The following KIF4A variants were observed in gnomAD, a reference collection of about 807,000 sequenced individuals.
KIF4A encodes kinesin family member 4A.
In KIF4A, 7 loss-of-function variants were observed where a neutral mutation model predicts 105.9. The observed-to-expected ratio is 0.07, with a 90% CI of 0.04 to 0.12. The LOEUF (loss-of-function observed/expected upper bound fraction) is 0.12. Among genes scored for constraint, KIF4A ranks in the 10% least tolerant of loss-of-function variants. The pLI is 1.00. For synonymous variants in KIF4A, 281 were observed against 331.3 expected (o/e 0.85, Z 1.65); for missense variants, 558 against 929.2 (o/e 0.60, Z 5.19).
intron 15 of KIF4A, among the ~76,000 whole-genome samples, chrX:70,371,947 G>A (rs1365449458): frequency 6.5e-5 from 7 of 106,932 alleles, no homozygotes; most frequent in African/African-American, 2.4e-4. Context: ...GGGCAGAGAC[G>A]CTCCTCACCT....
At chrX:70,404,082 T>C (rs1342453323) in intron 24 of KIF4A, 48 bp downstream of exon 24, 3 of 1,153,557 alleles carry the variant, frequency 2.6e-6, no homozygotes, top group African/African-American at 3.5e-5. Flanking sequence ...TATCATTGCC[T>C]TGTATTGTTA....
chrX:70,416,345 CTTTTTTTT>C (rs376059238), intron 28 of KIF4A, among the ~76,000 whole-genome samples: 1 of 62,774 alleles, frequency 1.6e-5, no homozygotes, highest in Non-Finnish European at 2.8e-5. Context: ...TCTGCACAGT[CTTTTTTTT>C]TTTTTTTTTT....
intron 15 of KIF4A, among the ~76,000 whole-genome samples, chrX:70,366,907 G>C (rs1410143829): frequency 9.0e-6 from 1 of 111,713 alleles, no homozygotes; most frequent in Non-Finnish European, 1.9e-5. Context: ...AGGTCTCTAA[G>C]GACTTACTTT....
At chrX:70,357,556 T>G (rs971843202) in intron 15 of KIF4A, among the ~76,000 whole-genome samples, 5 of 112,109 alleles carry the variant, frequency 4.5e-5, no homozygotes, top group Non-Finnish European at 7.5e-5. Flanking sequence ...TATACCCCTT[T>G]GCTTTGGTGG....
rs776359292 is a variant in KIF4A, at chrX:70,352,625, C to T, written c.1457C>T (p.Ala486Val). 5 of 1,204,217 alleles carry T rather than the reference C, an allele frequency of 4.2e-6. No individual in the cohort carries two copies. The highest frequency in any genetic ancestry group is 5.6e-6 in the Non-Finnish European group (5 of 889,598). The change falls in exon 14 of 31, where the codon GCA becomes GTA. Residue 486 changes from alanine (A) to valine (V), a missense_variant. Transcript: ENST00000374403. The part of the protein sequence containing the change: ...LSDETVACMA[A>V]AIDTAVEQEA... ...GATGAAACTGTTGCTTGCATGGCTGCAGCCATTGATACTGCGGTGGAGCAA... is the reference window on the plus strand; with the variant it reads ...GATGAAACTGTTGCTTGCATGGCTGTAGCCATTGATACTGCGGTGGAGCAA...
In KIF4A at chrX:70,412,648, C is replaced by T. The variant is rs760503599; in HGVS notation, c.3256-5240C>T. Among the ~76,000 whole-genome samples, 30 of 111,649 alleles carry T rather than the reference C, an allele frequency of 2.7e-4. No homozygotes were observed. The South Asian group carries it at 4.9e-3, about 18-fold the overall frequency. The stretch of plus-strand genomic sequence containing the variant: ...ACTAAGAAGGGCACTTCTGGCCGGG[C>T]GCCATGGCTCACACCTGTAATCCCG... On this transcript the variant is annotated intron_variant, in intron 28 of 30. Transcript: ENST00000374403.
Position 70,374,148 on chromosome X carries a change from T to A in KIF4A, c.1675-3T>A. The stretch of plus-strand genomic sequence containing the variant: ...CTTTCTCTTTGACCTATAACCTTTC[T>A]AGGATAACATAAAAGAGCTAGAATT... On this transcript the variant is annotated splice_region_variant and splice_polypyrimidine_tract_variant and intron_variant, in intron 15 of 30. Transcript: ENST00000374403. 2 of 1,125,667 alleles carry A rather than the reference T, an allele frequency of 1.8e-6. No individual in the cohort carries two copies. Among genetic ancestry groups the A allele is most frequent in the Non-Finnish European group, 2.4e-6 (2 of 820,519 alleles). 92.8% of individuals were successfully genotyped at this position (1,125,667 alleles called of 1,213,427 possible). A position where few individuals can be genotyped will look rare whatever the true frequency, so the allele number is the denominator to read the frequency against.
intron 15 of KIF4A, among the ~76,000 whole-genome samples, chrX:70,358,794 C>G (rs1208237558): frequency 1.8e-5 from 2 of 112,470 alleles, no homozygotes; most frequent in East Asian, 2.8e-4. Flanking sequence ...TTAGGCTAGT[C>G]AATTTCCAAT....
At chrX:70,306,842 CT>C (rs1253944613) in intron 7 of KIF4A, among the ~76,000 whole-genome samples, 212 of 99,960 alleles carry the variant, frequency 2.1e-3, no homozygotes, top group Admixed American at 2.6e-3. Flanking sequence ...TGCCCGGCCT[CT>C]TTTTTTTTTT....
Position 70,375,986 on chromosome X carries a change from C to T in KIF4A, c.1924-114C>T, listed in dbSNP as rs995425992. The T allele has an allele frequency of 6.4e-6, 3 of 469,060 alleles. No homozygotes were observed. In the African/African-American group the frequency reaches 7.3e-5, roughly 11 times the overall value. The allele number at this position is 469,060 out of a possible 1,213,427, so 38.7% of individuals were successfully genotyped here. ...TAATCAGGGAATCTGTTGGGGACTGCTTTCCCAGCCTAGTTCTGGCTTTTC... is the reference window on the plus strand; with the variant it reads ...TAATCAGGGAATCTGTTGGGGACTGTTTTCCCAGCCTAGTTCTGGCTTTTC... On this transcript the variant is annotated intron_variant, in intron 17 of 30. Coordinates refer to ENST00000374403, the MANE Select transcript of KIF4A (RefSeq NM_012310.5).
rs1039468389 is a variant in KIF4A, at chrX:70,319,601, T to A, written c.779-9804T>A. On this transcript the variant is annotated intron_variant, in intron 7 of 30. Coordinates refer to ENST00000374403, the MANE Select transcript of KIF4A (RefSeq NM_012310.5). ...ATCTGAGTGTTTTTCCCTGTAGAAGTCTTATACATCTTTTGTACTATTCTT... is the reference window on the plus strand; with the variant it reads ...ATCTGAGTGTTTTTCCCTGTAGAAGACTTATACATCTTTTGTACTATTCTT... Among the ~76,000 whole-genome samples, 3 of 112,104 alleles carry A rather than the reference T, an allele frequency of 2.7e-5. No individual in the cohort carries two copies. The Admixed American group carries it at 2.8e-4, about 11-fold the overall frequency.
rs189698811 is a variant in KIF4A, at chrX:70,401,939, T to G, written c.2490-627T>G. On this transcript the variant is annotated intron_variant, in intron 22 of 30. Coordinates refer to ENST00000374403, the MANE Select transcript of KIF4A (RefSeq NM_012310.5). Reference sequence around the variant, plus strand: ...CTTTCTCACTAGACACAGAAGAAATTTGAGAAGAAAGCTATTAATTAAACT... The same window carrying G: ...CTTTCTCACTAGACACAGAAGAAATGTGAGAAGAAAGCTATTAATTAAACT... Among the ~76,000 whole-genome samples, 704 of 111,727 alleles carry G rather than the reference T, an allele frequency of 6.3e-3. 6 individuals are homozygous for G. The highest frequency in any genetic ancestry group is 0.021 in the African/African-American group (660 of 30,768).
chrX:70,400,173 T>G, intron 22 of KIF4A, among the ~76,000 whole-genome samples: 1 of 89,867 alleles, frequency 1.1e-5, no homozygotes, highest in African/African-American at 4.1e-5. Flanking sequence ...CCCTCCCCCC[T>G]TCCCCCACCC....
In KIF4A at chrX:70,407,010, G is replaced by A. The variant is rs751590178; in HGVS notation, c.3190G>A (p.Glu1064Lys). 2.5e-6 allele frequency: 3 copies of A among 1,210,137 alleles called. No homozygotes were observed. Among genetic ancestry groups the A allele is most frequent in the Non-Finnish European group, 3.4e-6 (3 of 894,589 alleles). Residue 1064 changes from glutamate (E) to lysine (K), a missense_variant, in exon 28 of 31, where the codon GAG becomes AAG. Coordinates refer to ENST00000374403, the MANE Select transcript of KIF4A (RefSeq NM_012310.5). ...EHEDGDGDDD[E>K]GDDEEWKPTK... ...TGAGGATGGTGATGGTGATGATGAT[G>A]AGGGGGATGACGAGGAATGGAAGCC...
chrX:70,387,136 T>TA, intron 19 of KIF4A, 48 bp from the exon 20 acceptor site: 1 of 886,959 alleles, frequency 1.1e-6, no homozygotes. Context: ...AATTGGATTT[T>TA]TTTTTTTTAC....
rs199624112 is a variant in KIF4A, at chrX:70,359,419, ATTTC to A, written c.1674+5630_1674+5633del. On this transcript the variant is annotated intron_variant, in intron 15 of 30. Coordinates refer to ENST00000374403, the MANE Select transcript of KIF4A (RefSeq NM_012310.5). The stretch of plus-strand genomic sequence containing the variant: ...ATGGGGATATGTGTTCCCCCACTGT[ATTTC>A]TTTCTTTCTTTCTTTCTCTCTCTCT... 5.4e-3 allele frequency among the ~76,000 whole-genome samples: 563 copies of A among 103,579 alleles called. 25 individuals are homozygous for A. The East Asian group carries it at 0.092, about 17-fold the overall frequency. 89.9% of individuals were successfully genotyped at this position (103,579 alleles called of 115,157 possible). A position where few individuals can be genotyped will look rare whatever the true frequency, so the allele number is the denominator to read the frequency against.
intron 3 of KIF4A, among the ~76,000 whole-genome samples, chrX:70,294,254 C>A (rs1272054542): frequency 8.9e-6 from 1 of 112,318 alleles, no homozygotes; most frequent in East Asian, 2.8e-4. Context: ...GGAAAGTCTT[C>A]AGGGACAATA....
chrX:70,350,695 G>A (rs1044893716), intron 13 of KIF4A, among the ~76,000 whole-genome samples: 6 of 111,435 alleles, frequency 5.4e-5, no homozygotes, highest in Non-Finnish European at 7.5e-5. Context: ...AAAAAAGAGC[G>A]AGGGGAGAGG....
At position 70,362,414 on chromosome X, in the gene KIF4A, C is replaced by A. The variant is rs917664610; in HGVS notation, c.1674+8607C>A. 2.3e-5 allele frequency: 4 copies of A among 175,696 alleles called. No homozygotes were observed. The Admixed American group carries it at 2.5e-4, about 11-fold the overall frequency. The allele number at this position is 175,696 out of a possible 1,213,427, so 14.5% of individuals were successfully genotyped here. A position where few individuals can be genotyped will look rare whatever the true frequency, so the allele number is the denominator to read the frequency against. ...TGCTGGGTGCCCCGCCCATTGTATT[C>A]CTAACTCTACAAAGGGGTGCTAGTA... On this transcript the variant is annotated intron_variant, in intron 15 of 30. Transcript: ENST00000374403.
Sources: gnomAD v4.1 joint callset for allele counts (sites outside exome capture counted in the v4.1 genomes callset) on GRCh38, gnomAD v4.1.1 for gene constraint, MANE v1.5 for transcripts, NCBI Gene and HGNC (gene_info 2026-07-23, HGNC 2026-07-21) for gene names.